PRH1: variants seen among roughly 807,000 people sequenced by gnomAD.
PRH1 encodes salivary acidic proline-rich phosphoprotein 1/2.
PRH1 carries 7 observed loss-of-function variants against 7.9 expected under a neutral mutation model. The ratio of observed to expected loss-of-function variants is 0.89; its 90% CI spans 0.50 to 1.67. The LOEUF is 1.67. Among genes scored for constraint, PRH1 ranks in the 40% most tolerant of loss-of-function variants. The pLI is 0.00. For synonymous variants in PRH1, 45 were observed against 80.8 expected (o/e 0.56, Z 2.38); for missense variants, 109 against 223.6 (o/e 0.49, Z 3.27).
intron 1 of PRH1, among the ~76,000 whole-genome samples, chr12:11,003,451 T>C (rs1940685770): frequency 6.6e-6 from 1 of 152,044 alleles, no homozygotes; most frequent in Non-Finnish European, 1.5e-5. Context: ...CATATATGCT[T>C]TCTTGTTGAT....
intron 1 of PRH1, among the ~76,000 whole-genome samples, chr12:11,155,864 T>A (rs1267994918): frequency 6.6e-6 from 1 of 152,308 alleles, no homozygotes; most frequent in East Asian, 1.9e-4. Flanking sequence ...CTAGAGTATA[T>A]GCATTGAATT....
At chr12:11,057,547 G>A (rs938467242) in intron 1 of PRH1, among the ~76,000 whole-genome samples, 18 of 152,194 alleles carry the variant, frequency 1.2e-4, no homozygotes, top group Non-Finnish European at 2.1e-4. Flanking sequence ...TATAATAACC[G>A]CATTCCCTAA....
intron 2 of PRH1, chr12:10,937,356 T>C (rs1950305812): frequency 6.6e-6 from 1 of 152,066 alleles, no homozygotes; most frequent in Non-Finnish European, 1.5e-5. Flanking sequence ...ATTATTTTAA[T>C]TGGTCAGAGG....
intron 1 of PRH1, among the ~76,000 whole-genome samples, chr12:11,101,501 A>G (rs1296719219): frequency 1.3e-5 from 2 of 152,192 alleles, no homozygotes; most frequent in Non-Finnish European, 2.9e-5. Flanking sequence ...AAATAAAAAT[A>G]GAAAAGTTTT....
At chr12:11,115,276 G>C (rs1053591600) in intron 1 of PRH1, among the ~76,000 whole-genome samples, 1 of 152,064 alleles carries the variant, frequency 6.6e-6, no homozygotes, top group Non-Finnish European at 1.5e-5. Flanking sequence ...ACAAAATAGA[G>C]TTCAGGACAA....
intron 1 of PRH1, among the ~76,000 whole-genome samples, chr12:11,028,791 G>C (rs1232697195): frequency 6.7e-6 from 1 of 150,184 alleles, no homozygotes; most frequent in African/African-American, 2.4e-5. Flanking sequence ...GCTGCATCAA[G>C]ACTATATTAT....
chr12:11,040,808 G>T (rs144234911), intron 1 of PRH1, among the ~76,000 whole-genome samples: 1 of 152,114 alleles, frequency 6.6e-6, no homozygotes, highest in Non-Finnish European at 1.5e-5. Flanking sequence ...TGGAGTTAAG[G>T]TGCAGAGTCC....
intron 2 of PRH1, among the ~76,000 whole-genome samples, chr12:10,968,701 C>T (rs1938635920): frequency 6.6e-6 from 1 of 152,218 alleles, no homozygotes; most frequent in African/African-American, 2.4e-5. Flanking sequence ...GTGAAATCCA[C>T]TCGCTGGGAC....
rs568988688 is a variant in PRH1 at position 10,953,151 on chromosome 12, G to A, written c.-59+20504C>T. On this transcript the variant is annotated intron_variant, in intron 2 of 3. Transcript: ENST00000539853. ...AAAAAATCCAAAGAATGGCAACTTC[G>A]AAGACTGAAGAATATCAGCCCACAG... is the stretch of plus-strand genomic sequence containing the variant. Among the ~76,000 whole-genome samples, 11 of 151,598 alleles carry A rather than the reference G, an allele frequency of 7.3e-5. No homozygotes were observed. The East Asian group carries it at 1.5e-3, about 21-fold the overall frequency.
At chr12:11,135,547 T>C (rs1946525688) in intron 1 of PRH1, among the ~76,000 whole-genome samples, 1 of 49,792 alleles carries the variant, frequency 2.0e-5, no homozygotes, top group Non-Finnish European at 5.8e-5. Context: ...CCATGTGATA[T>C]ATAAATATCT....
intron 1 of PRH1, among the ~76,000 whole-genome samples, chr12:11,041,676 C>T (rs1033950963): frequency 6.6e-6 from 1 of 152,148 alleles, no homozygotes; most frequent in African/African-American, 2.4e-5. Context: ...GCAGAATAAA[C>T]ATTCTTTTCC....
chr12:11,051,905 A>G (rs186186304), upstream of PRH1, among the ~76,000 whole-genome samples: 167 of 141,690 alleles, frequency 1.2e-3, no homozygotes, highest in Non-Finnish European at 2.3e-3. Flanking sequence ...ACATATGGGC[A>G]GCTTCTTTTC....
chr12:10,945,599 C>A (rs772464044), intron 2 of PRH1, among the ~76,000 whole-genome samples: 1 of 152,014 alleles, frequency 6.6e-6, no homozygotes, highest in Non-Finnish European at 1.5e-5. Context: ...ACCACAAGAC[C>A]GGGGCAAAAT....
intron 1 of PRH1, among the ~76,000 whole-genome samples, chr12:11,006,872 A>G (rs1398043697): frequency 1.3e-5 from 2 of 151,954 alleles, no homozygotes; most frequent in East Asian, 3.9e-4. Flanking sequence ...ATTGAATCCT[A>G]TTCCACTGTC....
At chr12:11,045,401 T>C (rs569460411) in intron 1 of PRH1, among the ~76,000 whole-genome samples, 17 of 152,142 alleles carry the variant, frequency 1.1e-4, no homozygotes, top group African/African-American at 3.9e-4. Flanking sequence ...ATAATTCAGT[T>C]GTACATTTTA....
intron 1 of PRH1, among the ~76,000 whole-genome samples, chr12:11,165,006 A>G (rs1334851809): frequency 1.3e-5 from 2 of 152,174 alleles, no homozygotes; most frequent in Non-Finnish European, 2.9e-5. Context: ...AGAAGAGAAA[A>G]TGGTATCATG....
intron 1 of PRH1, among the ~76,000 whole-genome samples, chr12:11,169,143 A>G (rs1314345355): frequency 6.6e-6 from 1 of 152,264 alleles, no homozygotes; most frequent in Non-Finnish European, 1.5e-5. Context: ...CAGTCAATGC[A>G]GTTAATCTGT....
chr12:10,989,974 T>C (rs529879849), intron 1 of PRH1, among the ~76,000 whole-genome samples: 1 of 152,336 alleles, frequency 6.6e-6, no homozygotes, highest in East Asian at 1.9e-4. Flanking sequence ...CATCTAAATT[T>C]TAATGGCTTC....
At chr12:11,156,361 G>C (rs1460955039) in intron 1 of PRH1, among the ~76,000 whole-genome samples, 2 of 151,770 alleles carry the variant, frequency 1.3e-5, no homozygotes, top group Non-Finnish European at 2.9e-5. Flanking sequence ...CTTGTCTGAG[G>C]TTTGTTGGTT....
Sources: gnomAD v4.1 joint callset for allele counts (sites outside exome capture counted in the v4.1 genomes callset) on GRCh38, gnomAD v4.1.1 for gene constraint, MANE v1.5 for transcripts, NCBI Gene and HGNC (gene_info 2026-07-23, HGNC 2026-07-21) for gene names.